Variants in NEB observed in about 807,000 individuals in gnomAD.
NEB encodes the protein nemaline myopathy type 2.
NEB carries 512 observed loss-of-function variants against 952.2 expected under a neutral mutation model. The ratio of observed to expected loss-of-function variants is 0.54; its 90% CI spans 0.50 to 0.58. The LOEUF is 0.58. NEB is among the 20% of genes least tolerant of loss of function. The pLI is 0.00. For missense variants in NEB, 8,428 were observed against 9,231.1 expected, an observed-to-expected ratio of 0.91 and a Z score of 3.56; for synonymous variants, 2,900 against 3,149.8, an observed-to-expected ratio of 0.92 and a Z score of 2.66.
intron 50 of NEB, 40 bp from the exon 51 acceptor site, chr2:151,655,414 G>A (rs774623593): frequency 4.2e-6 from 5 of 1,181,252 alleles, no homozygotes; most frequent in Non-Finnish European, 4.9e-6. Context: ...TTGAATAACT[G>A]GGACAAGCAG....
At chr2:151,544,580 C>G (rs2094473466) in intron 135 of NEB, among the ~76,000 whole-genome samples, 1 of 152,178 alleles carries the variant, frequency 6.6e-6, no homozygotes. Context: ...CGTAAGCGTT[C>G]TAGTCTGAGT....
Position 151,563,641 on chromosome 2 carries a change from C to A in NEB, c.18658G>T (p.Val6220Phe). Residue 6220 changes from valine (V) to phenylalanine (F), a missense_variant, in exon 119 of 182, where the codon GTT (valine) becomes TTT (phenylalanine). Coordinates refer to ENST00000397345, the MANE Select transcript of NEB (RefSeq NM_001164508.2). ...ATCTTTTGGAAATCCAGACAGTGAA[C>A]CACACCAGGGAATTCACCGATCACT... ...GKVIGEFPGVVHCLDFQKMRS... is the reference protein window; with the variant it reads ...GKVIGEFPGVFHCLDFQKMRS... The A allele has an allele frequency of 6.2e-7, 1 of 1,613,828 alleles. No individual in the cohort carries two copies. Among genetic ancestry groups the A allele is most frequent in the Non-Finnish European group, 8.5e-7 (1 of 1,179,752 alleles).
In NEB at chr2:151,680,842, CAAA is replaced by C; in HGVS notation, c.2944-17_2944-15del. ...GCGATATTTTTTCTGTTTGGCAAAT[CAAA>C]AAGAGAAAAACAATCTTGTTTTCCA... On this transcript the variant is annotated splice_polypyrimidine_tract_variant and intron_variant, in intron 29 of 181. Transcript: ENST00000397345. 1 of 1,573,552 alleles carries C rather than the reference CAAA, an allele frequency of 6.4e-7. No homozygotes were observed. The highest frequency in any genetic ancestry group is 8.7e-7 in the Non-Finnish European group (1 of 1,143,944).
At chr2:151,718,900 A>G (rs1311584977) in intron 9 of NEB, among the ~76,000 whole-genome samples, 1 of 152,172 alleles carries the variant, frequency 6.6e-6, no homozygotes, top group Non-Finnish European at 1.5e-5. Flanking sequence ...CCAACAATGC[A>G]GAACTATTCA....
At position 151,581,633 on chromosome 2, in the gene NEB, C is replaced by T. The variant is rs189923104; in HGVS notation, c.16180-46G>A. 252 of 1,358,452 alleles carry T rather than the reference C, an allele frequency of 1.9e-4. 5 individuals carry two copies. The African/African-American group carries it at 3.5e-3, about 19-fold the overall frequency. 84.1% of individuals were successfully genotyped at this position (1,358,452 alleles called of 1,614,324 possible). On this transcript the variant is annotated intron_variant, in intron 102 of 181. Transcript: ENST00000397345. ...TGGAATGGTCAATTAGTAAATAAGT[C>T]AATTACCACATAAATAAAATTATAA...
At chr2:151,506,097 A>G in intron 164 of NEB, 69 bp downstream of exon 164, 1 of 1,327,734 alleles carries the variant, frequency 7.5e-7, no homozygotes, top group South Asian at 1.2e-5. Context: ...TTTGAGTGCA[A>G]CTCATAGGTC....
intron 120 of NEB, 135 bp downstream of exon 120, chr2:151,562,476 A>T: frequency 1.1e-6 from 1 of 915,308 alleles, no homozygotes; most frequent in Non-Finnish European, 1.6e-6. Flanking sequence ...AAAGTGGCTC[A>T]TGCCACTTTG....
rs749174010 is a variant in NEB, at chr2:151,494,118, T to A, written c.24579+43A>T. 6 of 1,506,678 alleles carry A rather than the reference T, an allele frequency of 4.0e-6. No homozygotes were observed. In the South Asian group the frequency reaches 7.1e-5, roughly 18 times the overall value. 93.3% of individuals were successfully genotyped at this position (1,506,678 alleles called of 1,614,324 possible). On this transcript the variant is annotated intron_variant, in intron 174 of 181. Transcript: ENST00000397345. ...TAGGAGCAGGCCAAACTGCAAGAGT[T>A]ATTTTGCAAAATTAAAAGCACTTTT...
chr2:151,678,806 A>AGG (rs1486458847), intron 32 of NEB, among the ~76,000 whole-genome samples: 1 of 151,832 alleles, frequency 6.6e-6, no homozygotes, highest in Non-Finnish European at 1.5e-5. Context: ...AAGTTGGGGC[A>AGG]GGGGCAGCTG....
chr2:151,531,725 A>T (rs1576485968), intron 144 of NEB, 67 bp downstream of exon 144: 2 of 1,232,156 alleles, frequency 1.6e-6, no homozygotes, highest in East Asian at 4.8e-5. Flanking sequence ...TGACAATTTA[A>T]AATGCCCCTC....
chr2:151,710,293 G>T, intron 11 of NEB, 141 bp downstream of exon 11: 1 of 483,428 alleles, frequency 2.1e-6, no homozygotes, highest in Non-Finnish European at 3.7e-6. Context: ...TTCTTAAAAG[G>T]AACTCTGCAC....
chr2:151,694,550 GCTGC>G lies in NEB; in HGVS notation c.1750_1753del (p.Ala584ProfsTer11). 1 of 1,612,790 alleles carries G rather than the reference GCTGC, an allele frequency of 6.2e-7. No individual in the cohort carries two copies. The highest frequency in any genetic ancestry group is 8.5e-7 in the Non-Finnish European group (1 of 1,179,190). On this transcript the variant is annotated frameshift_variant, in exon 19 of 182. Coordinates refer to ENST00000397345, the MANE Select transcript of NEB (RefSeq NM_001164508.2). LOFTEE classifies it high-confidence loss of function. ...GCTGGTGTTCTTGGTGTTGGCTTTGGCTGCCAGCAGGGGAATGGCATCCACTTTA... is the reference window on the plus strand; with the variant it reads ...GCTGGTGTTCTTGGTGTTGGCTTTGGCAGCAGGGGAATGGCATCCACTTTA...
intron 4 of NEB, 128 bp downstream of exon 4, chr2:151,729,487 G>T: frequency 1.9e-6 from 2 of 1,029,018 alleles, no homozygotes; most frequent in Non-Finnish European, 1.5e-6. Flanking sequence ...TCTGGGCACA[G>T]GTAGGTGAGT....
rs746203138 is a variant in NEB at position 151,552,734 on chromosome 2, T to G, written c.19774A>C (p.Lys6592Gln). The change falls in exon 128 of 182, where the codon AAG (lysine) becomes CAG (glutamine). Residue 6592 changes from lysine (K) to glutamine (Q), a missense_variant. This residue lies in a region of NEB where 3,374 missense variants were observed against 3,651.5 expected (regional missense o/e 0.92). Coordinates refer to ENST00000397345, the MANE Select transcript of NEB (RefSeq NM_001164508.2). ...TAGACTGGTGTATCTGTGACAAGCT[T>G]GTAGTCATTCCTTGTTTTCAACATG... Reference protein sequence around the residue: ...AHMLKTRNDYKLVTDTPVYVQ... With the variant: ...AHMLKTRNDYQLVTDTPVYVQ... 2 of 1,613,310 alleles carry G rather than the reference T, an allele frequency of 1.2e-6. No individual in the cohort carries two copies. Among genetic ancestry groups the G allele is most frequent in the Non-Finnish European group, 1.7e-6 (2 of 1,179,592 alleles).
intron 68 of NEB, 41 bp downstream of exon 68, chr2:151,629,498 C>A (rs772511987): frequency 6.7e-7 from 1 of 1,500,412 alleles, no homozygotes; most frequent in Non-Finnish European, 9.3e-7. Flanking sequence ...TGCCTCCCCA[C>A]TTCATCCATC....
intron 146 of NEB, 109 bp downstream of exon 146, chr2:151,529,101 G>A (rs2088717385): frequency 1.3e-6 from 1 of 753,720 alleles, no homozygotes; most frequent in Non-Finnish European, 2.3e-6. Context: ...CTCTTGCTTT[G>A]GAATCAATCA....
chr2:151,663,727 A>T lies in NEB; in HGVS notation c.5584T>A (p.Tyr1862Asn). 1.9e-6 allele frequency: 3 copies of T among 1,613,756 alleles called. No individual in the cohort carries two copies. The highest frequency in any genetic ancestry group is 2.5e-6 in the Non-Finnish European group (3 of 1,179,798). ...MQSDREYKKGYEKSKTSFHTP... is the reference protein window; with the variant it reads ...MQSDREYKKGNEKSKTSFHTP... ...TGGAAGGAGGTCTTGGATTTCTCAT[A>T]TCCCTTCTTGTATTCCCGGTCTGAC... Residue 1862 changes from tyrosine (Y) to asparagine (N), a missense_variant, in exon 45 of 182, where the codon TAT becomes AAT. By Grantham distance (143) the Tyr-to-Asn change is moderately radical. This residue lies in a region of NEB where 2,851 missense variants were observed against 2,791.5 expected (regional missense o/e 1.02). Transcript: ENST00000397345.
intron 24 of NEB, chr2:151,690,417 TTG>T (rs1202359924): frequency 3.7e-6 from 1 of 273,072 alleles, no homozygotes; most frequent in African/African-American, 2.2e-5. Context: ...GATGCTTTTG[TTG>T]TCACTGTTTA....
chr2:151,525,887 G>T, intron 150 of NEB, 71 bp downstream of exon 150: 1 of 1,197,090 alleles, frequency 8.4e-7, no homozygotes, highest in Non-Finnish European at 1.2e-6. Flanking sequence ...AAAGGCAACT[G>T]ACATTATTTC....
Sources: gnomAD v4.1 joint callset for allele counts (sites outside exome capture counted in the v4.1 genomes callset) on GRCh38, gnomAD v4.1.1 for gene constraint, gnomAD v4.1.1 regional missense constraint, MANE v1.5 for transcripts, NCBI Gene and HGNC (gene_info 2026-07-23, HGNC 2026-07-21) for gene names.